Variants in RPS6KC1 observed in about 807,000 individuals in gnomAD.
The protein encoded by RPS6KC1 is inactive ribosomal protein S6 kinase delta-1.
A neutral mutation model predicts 103.8 loss-of-function variants in RPS6KC1; 54 were observed. That is an observed-to-expected ratio of 0.52 (90% CI 0.42 to 0.65). The LOEUF (loss-of-function observed/expected upper bound fraction) is 0.65, where lower values mean the gene tolerates loss of function less well. Ranked by LOEUF, RPS6KC1 falls within the 30% of genes least tolerant of loss-of-function variation. The pLI is 0.00. For synonymous variants in RPS6KC1, 439 were observed against 438.7 expected, an observed-to-expected ratio of 1.00 and a Z score of -0.01; for missense variants, 1,151 against 1,253.8, an observed-to-expected ratio of 0.92 and a Z score of 1.24.
the RPS6KC1 span, among the ~76,000 whole-genome samples, chr1:213,831,980 G>A: frequency 6.6e-6 from 1 of 152,190 alleles, no homozygotes; most frequent in Non-Finnish European, 1.5e-5. Flanking sequence ...ATGGCAGGAA[G>A]CAGTAGTTTC....
the RPS6KC1 span, among the ~76,000 whole-genome samples, chr1:213,669,298 G>A: frequency 6.6e-6 from 1 of 152,088 alleles, no homozygotes; most frequent in African/African-American, 2.4e-5. Flanking sequence ...TTATTAATTG[G>A]CCTAATGTCA....
At chr1:213,812,013 G>A in the RPS6KC1 span, among the ~76,000 whole-genome samples, 1 of 152,154 alleles carries the variant, frequency 6.6e-6, no homozygotes, top group Non-Finnish European at 1.5e-5. Context: ...TCTCAATAAA[G>A]ATATGTAATA....
At chr1:213,135,817 A>T (rs2086206321) in intron 6 of RPS6KC1, among the ~76,000 whole-genome samples, 1 of 152,206 alleles carries the variant, frequency 6.6e-6, no homozygotes, top group Admixed American at 6.5e-5. Context: ...ACTCAGAAGG[A>T]ACTATTTCAT....
the RPS6KC1 span, among the ~76,000 whole-genome samples, chr1:213,739,414 T>G: frequency 1.3e-5 from 2 of 152,168 alleles, no homozygotes; most frequent in African/African-American, 4.8e-5. Flanking sequence ...ATACATGGTC[T>G]TTTGACTGTG....
At chr1:213,304,848 C>T in the RPS6KC1 span, among the ~76,000 whole-genome samples, 2 of 152,124 alleles carry the variant, frequency 1.3e-5, no homozygotes, top group Non-Finnish European at 2.9e-5. Flanking sequence ...GCAAATTTTG[C>T]GTCTTTTTAT....
intron 1 of RPS6KC1, among the ~76,000 whole-genome samples, chr1:213,059,678 A>G (rs1353376114): frequency 4.0e-5 from 6 of 150,564 alleles, no homozygotes; most frequent in Non-Finnish European, 8.9e-5. Flanking sequence ...CACACCGGCT[A>G]ATTTTTTTTT....
the RPS6KC1 span, among the ~76,000 whole-genome samples, chr1:213,323,541 G>A: frequency 6.6e-6 from 1 of 152,114 alleles, no homozygotes; most frequent in Non-Finnish European, 1.5e-5. Context: ...TTTAGCATCT[G>A]TTCCTCATCC....
At chr1:213,664,124 C>G in the RPS6KC1 span, among the ~76,000 whole-genome samples, 1 of 150,514 alleles carries the variant, frequency 6.6e-6, no homozygotes, top group African/African-American at 2.4e-5. Flanking sequence ...CAGGGCAGCT[C>G]CCCATGGCAC....
At chr1:213,601,931 T>C in the RPS6KC1 span, among the ~76,000 whole-genome samples, 8 of 118,932 alleles carry the variant, frequency 6.7e-5, no homozygotes, top group Non-Finnish European at 1.2e-4. Context: ...CTCCCTCCCT[T>C]CCTTCCTTCT....
chr1:213,664,192 C>CGGGGT, the RPS6KC1 span, among the ~76,000 whole-genome samples: 1 of 29,856 alleles, frequency 3.3e-5, no homozygotes, highest in Non-Finnish European at 6.0e-5. Flanking sequence ...AAGAAATGAG[C>CGGGGT]GGGGGGGCGG....
chr1:213,682,258 C>T, the RPS6KC1 span, among the ~76,000 whole-genome samples: 6 of 152,116 alleles, frequency 3.9e-5, no homozygotes, highest in South Asian at 2.1e-4. Flanking sequence ...CATTCTTCTC[C>T]GTCCCTCATT....
chr1:213,481,042 C>A, the RPS6KC1 span, among the ~76,000 whole-genome samples: 1 of 152,062 alleles, frequency 6.6e-6, no homozygotes, highest in Non-Finnish European at 1.5e-5. Context: ...CGTTTGTTTT[C>A]TATTTCATTT....
At chr1:213,709,948 C>T in the RPS6KC1 span, among the ~76,000 whole-genome samples, 2 of 152,028 alleles carry the variant, frequency 1.3e-5, no homozygotes, top group African/African-American at 2.4e-5. Flanking sequence ...ATTATGTGGT[C>T]GATTTTAGAA....
At chr1:213,764,705 A>C in the RPS6KC1 span, among the ~76,000 whole-genome samples, 1 of 152,056 alleles carries the variant, frequency 6.6e-6, no homozygotes, top group Non-Finnish European at 1.5e-5. Context: ...GAAAAAGGCA[A>C]CCCCAGGTGC....
chr1:213,674,628 AG>A, the RPS6KC1 span, among the ~76,000 whole-genome samples: 4 of 152,306 alleles, frequency 2.6e-5, no homozygotes, highest in East Asian at 5.8e-4. Flanking sequence ...TCTTTTTGGT[AG>A]AACAGTTTAT....
the RPS6KC1 span, among the ~76,000 whole-genome samples, chr1:213,634,944 C>T: frequency 2.4e-3 from 358 of 152,128 alleles, 2 homozygotes; most frequent in African/African-American, 8.2e-3. Context: ...GGGGATATCA[C>T]CACCGATCCC....
chr1:213,349,546 GC>G, the RPS6KC1 span, among the ~76,000 whole-genome samples: 6 of 152,176 alleles, frequency 3.9e-5, no homozygotes, highest in Non-Finnish European at 8.8e-5. Flanking sequence ...CAGAACTCAG[GC>G]TGGAGTCAAA....
the RPS6KC1 span, among the ~76,000 whole-genome samples, chr1:213,516,298 G>C: frequency 6.6e-6 from 1 of 152,092 alleles, no homozygotes; most frequent in Non-Finnish European, 1.5e-5. Context: ...GGGCATCCCT[G>C]TCTTGTGCCA....
At chr1:213,516,687 T>C in the RPS6KC1 span, among the ~76,000 whole-genome samples, 2 of 152,180 alleles carry the variant, frequency 1.3e-5, no homozygotes, top group African/African-American at 2.4e-5. Context: ...TGGTCTAAAA[T>C]TCTCTTTTGT....
Sources: allele counts gnomAD v4.1 joint callset (sites outside exome capture counted in the v4.1 genomes callset), GRCh38; gene constraint gnomAD v4.1.1; transcripts MANE v1.5; gene names NCBI Gene and HGNC (gene_info 2026-07-23, HGNC 2026-07-21).